Variants in PROS1 observed in about 807,000 individuals in gnomAD.
PROS1 encodes vitamin K-dependent protein S.
A neutral mutation model predicts 75.9 loss-of-function variants in PROS1; 29 were observed. The observed-to-expected ratio is 0.38, with a 90% CI of 0.28 to 0.52. The LOEUF (loss-of-function observed/expected upper bound fraction) is 0.52, where lower values mean the gene tolerates loss of function less well. Among genes scored for constraint, PROS1 ranks in the 20% least tolerant of loss-of-function variants. PROS1 has a pLI of 0.83. For synonymous variants in PROS1, 245 were observed against 280.6 expected, an observed-to-expected ratio of 0.87 and a Z score of 1.27; for missense variants, 680 against 810.3, an observed-to-expected ratio of 0.84 and a Z score of 1.95.
At chr3:93,936,860 T>C (rs997642444) in intron 1 of PROS1, among the ~76,000 whole-genome samples, 4 of 152,194 alleles carry the variant, frequency 2.6e-5, no homozygotes, top group African/African-American at 7.2e-5. Context: ...AAAAATGATA[T>C]TAAGATAAAT....
intron 1 of PROS1, chr3:93,968,065 G>C (rs1485704207): frequency 1.3e-5 from 2 of 152,028 alleles, no homozygotes; most frequent in Non-Finnish European, 2.9e-5. Context: ...AAAATACACA[G>C]ATCCAGAATA....
At chr3:93,922,486 G>T (rs1014866656) in intron 3 of PROS1, among the ~76,000 whole-genome samples, 2 of 152,072 alleles carry the variant, frequency 1.3e-5, no homozygotes, top group African/African-American at 4.8e-5. Flanking sequence ...TTTCCAAATC[G>T]CATGTTTTCA....
intron 1 of PROS1, among the ~76,000 whole-genome samples, chr3:93,935,542 A>G (rs1456491355): frequency 6.6e-6 from 1 of 152,174 alleles, no homozygotes. Flanking sequence ...CAACAGTAAA[A>G]TAATTCTCCT....
At chr3:93,942,390 C>A (rs964506760) in intron 1 of PROS1, among the ~76,000 whole-genome samples, 1 of 152,154 alleles carries the variant, frequency 6.6e-6, no homozygotes, top group South Asian at 2.1e-4. Context: ...ATTAATGCCT[C>A]TTTAATGAAA....
Position 93,900,008 on chromosome 3 carries a change from C to CAT in PROS1, c.727+794_727+795dup, listed in dbSNP as rs8178637. Among the ~76,000 whole-genome samples the CAT allele has an allele frequency of 7.0e-3, 1,066 of 152,054 alleles. 9 individuals are homozygous for CAT. The highest frequency in any genetic ancestry group is 0.024 in the African/African-American group (996 of 41,480). Reference sequence around the variant, plus strand: ...ACATGTGTGTGAATATACATACATACATATATATATACAGATACAATAGAA... The same window carrying CAT: ...ACATGTGTGTGAATATACATACATACATATATATATATACAGATACAATAGAA... On this transcript the variant is annotated intron_variant, in intron 7 of 14. Transcript: ENST00000394236.
intron 1 of PROS1, among the ~76,000 whole-genome samples, chr3:93,961,093 T>C (rs1709700055): frequency 6.6e-6 from 1 of 152,114 alleles, no homozygotes; most frequent in African/African-American, 2.4e-5. Context: ...AACAAAATCA[T>C]AAAGTATGTT....
At chr3:93,920,926 A>G (rs1395653670) in intron 3 of PROS1, among the ~76,000 whole-genome samples, 1 of 152,212 alleles carries the variant, frequency 6.6e-6, no homozygotes, top group African/African-American at 2.4e-5. Context: ...AAGATTAATT[A>G]TATGGTTATT....
chr3:93,890,772 G>A (rs1160379456), intron 10 of PROS1, among the ~76,000 whole-genome samples: 1 of 152,102 alleles, frequency 6.6e-6, no homozygotes, highest in Non-Finnish European at 1.5e-5. Context: ...ATAAATGAAG[G>A]ACCAAAATAA....
intron 10 of PROS1, among the ~76,000 whole-genome samples, chr3:93,891,351 T>G (rs8178644): frequency 0.2 from 29,778 of 151,978 alleles, 3,367 homozygotes; most frequent in Non-Finnish European, 0.25. Flanking sequence ...TTAATCCAGT[T>G]GATTAAAGTG....
At chr3:93,969,117 GTTTTCTTTTTT>G (rs1709833138) in intron 1 of PROS1, among the ~76,000 whole-genome samples, 2 of 120,460 alleles carry the variant, frequency 1.7e-5, no homozygotes, top group Admixed American at 1.7e-4. Flanking sequence ...TTTTGCTTTT[GTTTTCTTTTTT>G]TTTTTTTTTT....
chr3:93,888,354 T>C lies in PROS1; in HGVS notation c.1156-1851A>G, dbSNP rs546787036. On this transcript the variant is annotated intron_variant, in intron 10 of 14. Coordinates refer to ENST00000394236, the MANE Select transcript of PROS1 (RefSeq NM_000313.4). The stretch of plus-strand genomic sequence containing the variant: ...TAGAAGCAAGCTTTGACAAGTGTTA[T>C]AGTTATAGTTGACTACGTATATATT... 3.9e-5 allele frequency among the ~76,000 whole-genome samples: 6 copies of C among 152,288 alleles called. No homozygotes were observed. The South Asian group carries it at 6.3e-4, about 16-fold the overall frequency.
rs8178588 is a variant in PROS1 at position 93,963,532 on chromosome 3, G to A, written c.76+10142C>T. Among the ~76,000 whole-genome samples the A allele has an allele frequency of 7.0e-3, 1,058 of 152,216 alleles. 9 individuals are homozygous for A. Among genetic ancestry groups the A allele is most frequent in the African/African-American group, 0.024 (995 of 41,538 alleles). ...CATCACTACAAAGGAATACTTGAGG[G>A]TGGATAATTTATAAAGAAAAGGAGT... is the stretch of plus-strand genomic sequence containing the variant. On this transcript the variant is annotated intron_variant, in intron 1 of 14. Transcript: ENST00000394236.
intron 3 of PROS1, among the ~76,000 whole-genome samples, chr3:93,913,616 C>T (rs1314691599): frequency 6.6e-6 from 1 of 152,186 alleles, no homozygotes; most frequent in Non-Finnish European, 1.5e-5. Flanking sequence ...CGCCATGATT[C>T]TAAGTTTCCC....
intron 6 of PROS1, among the ~76,000 whole-genome samples, chr3:93,901,841 A>T (rs1708599840): frequency 6.6e-6 from 1 of 152,194 alleles, no homozygotes; most frequent in African/African-American, 2.4e-5. Context: ...ACTAAGGGAA[A>T]ATGGGGTAAA....
chr3:93,876,870 C>T, intron 14 of PROS1, 96 bp downstream of exon 14: 1 of 799,172 alleles, frequency 1.3e-6, no homozygotes, highest in Non-Finnish European at 1.9e-6. Context: ...ATTTTATGTT[C>T]CCTTCTGATG....
chr3:93,955,217 C>G (rs1391375390), intron 1 of PROS1, among the ~76,000 whole-genome samples: 1 of 152,138 alleles, frequency 6.6e-6, no homozygotes, highest in Admixed American at 6.5e-5. Flanking sequence ...CCAGCCATCC[C>G]CTTACTGGGT....
intron 6 of PROS1, among the ~76,000 whole-genome samples, chr3:93,905,309 G>A (rs1307271951): frequency 6.6e-6 from 1 of 152,126 alleles, no homozygotes; most frequent in Non-Finnish European, 1.5e-5. Context: ...TGTGTTATCA[G>A]TACTGTAAAC....
intron 1 of PROS1, among the ~76,000 whole-genome samples, chr3:93,964,345 C>T (rs1323654716): frequency 6.6e-6 from 1 of 152,132 alleles, no homozygotes; most frequent in Non-Finnish European, 1.5e-5. Context: ...CTTTTCCTAG[C>T]AAGGAATATT....
Position 93,896,479 on chromosome 3 carries a change from G to T in PROS1, c.965+97C>A, listed in dbSNP as rs529970798. On this transcript the variant is annotated intron_variant, in intron 9 of 14. Coordinates refer to ENST00000394236, the MANE Select transcript of PROS1 (RefSeq NM_000313.4). The stretch of plus-strand genomic sequence containing the variant: ...GTAATATGACTACATTATCTGATAG[G>T]TAATACAATTTCACACACTTCAAAC... The T allele has an allele frequency of 1.6e-5, 14 of 874,224 alleles. No homozygotes were observed. The East Asian group carries it at 2.9e-4, about 18-fold the overall frequency. The allele number at this position is 874,224 out of a possible 1,614,324, so 54.2% of individuals were successfully genotyped here.
Sources: allele counts gnomAD v4.1 joint callset (sites outside exome capture counted in the v4.1 genomes callset), GRCh38; gene constraint gnomAD v4.1.1; transcripts MANE v1.5; gene names NCBI Gene and HGNC (gene_info 2026-07-23, HGNC 2026-07-21).